GRID1: variants seen among roughly 807,000 people sequenced by gnomAD.
GRID1 encodes the protein glutamate ionotropic receptor delta type subunit 1.
GRID1 carries 28 observed loss-of-function variants against 98.0 expected under a neutral mutation model. The observed-to-expected ratio is 0.29, with a 90% CI of 0.21 to 0.39. The LOEUF (loss-of-function observed/expected upper bound fraction) is 0.39, where lower values mean the gene tolerates loss of function less well. Ranked by LOEUF, GRID1 falls within the 10% of genes least tolerant of loss-of-function variation. The probability of loss-of-function intolerance (pLI) is 1.00; values close to 1 mark genes in which losing one functional copy is unlikely to be tolerated. For synonymous variants in GRID1, 553 were observed against 538.5 expected (o/e 1.03, Z -0.37); for missense variants, 1,111 against 1,340.5 (o/e 0.83, Z 2.67).
intron 2 of GRID1, among the ~76,000 whole-genome samples, chr10:86,294,351 C>T (rs569611901): frequency 6.6e-6 from 1 of 152,220 alleles, no homozygotes; most frequent in Non-Finnish European, 1.5e-5. Flanking sequence ...CTGTTGGGAG[C>T]TTTGATCTGA....
chr10:86,081,689 A>G (rs2131930842), intron 4 of GRID1, among the ~76,000 whole-genome samples: 1 of 152,386 alleles, frequency 6.6e-6, no homozygotes, highest in East Asian at 1.9e-4. Flanking sequence ...AGCACTAAAA[A>G]TAAATGAGCT....
chr10:85,987,989 G>A (rs1842633152), intron 4 of GRID1, among the ~76,000 whole-genome samples: 1 of 152,072 alleles, frequency 6.6e-6, no homozygotes, highest in African/African-American at 2.4e-5. Context: ...CAAATCCCCT[G>A]TACCTAACAC....
At chr10:85,645,838 G>C (rs1380956885) in intron 13 of GRID1, 1 of 152,252 alleles carries the variant, frequency 6.6e-6, no homozygotes, top group African/African-American at 2.4e-5. Context: ...ACTCTACATG[G>C]CACCACAGCT....
chr10:86,023,933 C>A (rs1427788157), intron 4 of GRID1, among the ~76,000 whole-genome samples: 1 of 152,160 alleles, frequency 6.6e-6, no homozygotes, highest in African/African-American at 2.4e-5. Flanking sequence ...AAATAATAAT[C>A]ATCATCACAG....
chr10:85,608,269 T>A (rs530311056), intron 15 of GRID1, among the ~76,000 whole-genome samples: 9 of 152,294 alleles, frequency 5.9e-5, no homozygotes, highest in Non-Finnish European at 1.0e-4. Flanking sequence ...TGGCTGGATA[T>A]CAGAAGCACA....
intron 3 of GRID1, among the ~76,000 whole-genome samples, chr10:86,186,161 G>A (rs1457147101): frequency 1.3e-5 from 2 of 152,104 alleles, no homozygotes; most frequent in East Asian, 3.9e-4. Flanking sequence ...TGTCTTTCAA[G>A]GAATTTGTCT....
At chr10:85,688,366 T>C (rs1000413819) in intron 12 of GRID1, among the ~76,000 whole-genome samples, 1 of 152,088 alleles carries the variant, frequency 6.6e-6, no homozygotes, top group African/African-American at 2.4e-5. Context: ...TCAGAAGGTA[T>C]TGGGTGAATT....
intron 8 of GRID1, among the ~76,000 whole-genome samples, chr10:85,773,510 A>G (rs1203188314): frequency 6.6e-6 from 1 of 152,234 alleles, no homozygotes; most frequent in Non-Finnish European, 1.5e-5. Flanking sequence ...AGGTTATTCA[A>G]TTAGGAAAAG....
At chr10:86,308,985 G>C (rs375643953) in intron 2 of GRID1, among the ~76,000 whole-genome samples, 1 of 152,112 alleles carries the variant, frequency 6.6e-6, no homozygotes, top group Non-Finnish European at 1.5e-5. Context: ...ATGCGTTTTG[G>C]AGAGGACACT....
chr10:85,679,046 C>T (rs144190896), intron 12 of GRID1, among the ~76,000 whole-genome samples: 87 of 152,336 alleles, frequency 5.7e-4, no homozygotes, highest in African/African-American at 1.9e-3. Flanking sequence ...ATCCAGTACT[C>T]TTTCTAGCTT....
At chr10:85,842,895 A>C (rs1842972961) in intron 8 of GRID1, among the ~76,000 whole-genome samples, 1 of 152,106 alleles carries the variant, frequency 6.6e-6, no homozygotes, top group East Asian at 1.9e-4. Flanking sequence ...TTATGAGGCT[A>C]ATACTACCCT....
At chr10:86,212,644 A>G (rs576436709) in intron 2 of GRID1, among the ~76,000 whole-genome samples, 2 of 152,136 alleles carry the variant, frequency 1.3e-5, no homozygotes, top group South Asian at 2.1e-4. Context: ...CTTAACCTCC[A>G]CGAGCACCCA....
At chr10:85,999,211 CAAA>C (rs60210628) in intron 4 of GRID1, among the ~76,000 whole-genome samples, 16 of 130,022 alleles carry the variant, frequency 1.2e-4, no homozygotes, top group Admixed American at 2.3e-4. Context: ...GACTCTATTT[CAAA>C]AAAAAAAAAA....
chr10:86,320,190 T>C (rs1847950459), intron 2 of GRID1, among the ~76,000 whole-genome samples: 2 of 152,250 alleles, frequency 1.3e-5, no homozygotes, highest in African/African-American at 4.8e-5. Context: ...CATTTGGCTC[T>C]AGCTCTGAGA....
intron 4 of GRID1, among the ~76,000 whole-genome samples, chr10:86,016,208 G>A (rs888305003): frequency 1.3e-4 from 16 of 124,192 alleles, no homozygotes; most frequent in South Asian, 6.5e-4. Context: ...GTGCAGTGGC[G>A]CGATCTCAGT....
At chr10:85,664,014 A>AT (rs1840993785) in intron 12 of GRID1, among the ~76,000 whole-genome samples, 1 of 152,176 alleles carries the variant, frequency 6.6e-6, no homozygotes, top group African/African-American at 2.4e-5. Flanking sequence ...CCTTTCCAGC[A>AT]TGATTTCATT....
intron 2 of GRID1, among the ~76,000 whole-genome samples, chr10:86,285,016 C>T (rs1349628301): frequency 3.9e-5 from 6 of 152,142 alleles, no homozygotes; most frequent in Non-Finnish European, 7.4e-5. Flanking sequence ...CCATGCCTCT[C>T]CAGCCCACAG....
chr10:85,678,529 G>T (rs1378935650), intron 12 of GRID1, among the ~76,000 whole-genome samples: 1 of 152,060 alleles, frequency 6.6e-6, no homozygotes, highest in African/African-American at 2.4e-5. Context: ...GTAGTTGGTG[G>T]CCCAGGGAGA....
chr10:85,862,354 G>T (rs1399478028), intron 6 of GRID1, among the ~76,000 whole-genome samples: 5 of 152,154 alleles, frequency 3.3e-5, no homozygotes, highest in African/African-American at 4.8e-5. Flanking sequence ...AGATGTCAAG[G>T]CATTTGCAAA....
Sources: allele counts gnomAD v4.1 joint callset (sites outside exome capture counted in the v4.1 genomes callset), GRCh38; gene constraint gnomAD v4.1.1; transcripts MANE v1.5; gene names NCBI Gene and HGNC (gene_info 2026-07-23, HGNC 2026-07-21).